SLCO1C1: variants seen among roughly 807,000 people sequenced by gnomAD.
SLCO1C1 encodes the protein solute carrier organic anion transporter family member 1C1.
SLCO1C1 carries 70 observed loss-of-function variants against 76.4 expected under a neutral mutation model. That is an observed-to-expected ratio of 0.92 (90% CI 0.76 to 1.12). The LOEUF is 1.12. SLCO1C1 is among the 50% of genes most tolerant of loss of function. The pLI is 0.00. For synonymous variants in SLCO1C1, 306 were observed against 286.1 expected (o/e 1.07, Z -0.70); for missense variants, 912 against 823.8 (o/e 1.11, Z -1.31).
At chr12:20,714,296 CG>C (rs747933943) in intron 5 of SLCO1C1, among the ~76,000 whole-genome samples, 13 of 152,138 alleles carry the variant, frequency 8.5e-5, no homozygotes, top group Non-Finnish European at 1.6e-4. Context: ...TAGTTCAGCA[CG>C]TAGCAGAGAA....
intron 2 of SLCO1C1, among the ~76,000 whole-genome samples, chr12:20,700,452 ATTTT>A (rs1946468265): frequency 6.6e-6 from 1 of 150,786 alleles, no homozygotes; most frequent in Admixed American, 6.6e-5. Flanking sequence ...TTTTTTAATT[ATTTT>A]TTAATTATTA....
At chr12:20,726,627 T>C (rs1219547917) in intron 9 of SLCO1C1, among the ~76,000 whole-genome samples, 1 of 152,172 alleles carries the variant, frequency 6.6e-6, no homozygotes, top group African/African-American at 2.4e-5. Context: ...TTTAAAAAGA[T>C]TTTTAATGAA....
intron 7 of SLCO1C1, among the ~76,000 whole-genome samples, chr12:20,719,629 CACA>C (rs1359919779): frequency 6.6e-6 from 1 of 152,132 alleles, no homozygotes; most frequent in Non-Finnish European, 1.5e-5. Context: ...TTAAACCAGC[CACA>C]ACATTTCCTT....
intron 6 of SLCO1C1, among the ~76,000 whole-genome samples, chr12:20,716,121 G>T (rs1023151831): frequency 2.0e-5 from 3 of 152,168 alleles, no homozygotes; most frequent in African/African-American, 7.2e-5. Context: ...CTACAGCTAG[G>T]TCCACTGTAT....
At chr12:20,749,701 T>G (rs1949207717) in intron 13 of SLCO1C1, among the ~76,000 whole-genome samples, 1 of 152,200 alleles carries the variant, frequency 6.6e-6, no homozygotes, top group Non-Finnish European at 1.5e-5. Context: ...TCTGAGAACC[T>G]ACTAGGGTTT....
intron 1 of SLCO1C1, among the ~76,000 whole-genome samples, chr12:20,696,533 T>C (rs528888540): frequency 3.2e-4 from 49 of 152,258 alleles, no homozygotes; most frequent in African/African-American, 1.1e-3. Context: ...TAATGAGGAC[T>C]GATTATTCAA....
intron 13 of SLCO1C1, among the ~76,000 whole-genome samples, chr12:20,746,893 G>A (rs903922583): frequency 6.6e-6 from 1 of 151,670 alleles, no homozygotes; most frequent in African/African-American, 2.4e-5. Flanking sequence ...TAAATACAAT[G>A]TGTTTATTTG....
chr12:20,699,816 G>T (rs1946435108), intron 2 of SLCO1C1, 111 bp downstream of exon 2: 2 of 1,073,088 alleles, frequency 1.9e-6, no homozygotes, highest in Non-Finnish European at 2.5e-6. Flanking sequence ...AAAAAAAAAA[G>T]ATCTTAGATG....
At chr12:20,739,431 C>T (rs1204113870) in intron 11 of SLCO1C1, among the ~76,000 whole-genome samples, 4 of 148,202 alleles carry the variant, frequency 2.7e-5, no homozygotes, top group African/African-American at 1.0e-4. Flanking sequence ...CATAGAAGGT[C>T]TCTATTAAAA....
chr12:20,707,354 A>G (rs776708763), intron 4 of SLCO1C1, among the ~76,000 whole-genome samples: 20 of 152,034 alleles, frequency 1.3e-4, no homozygotes, highest in Non-Finnish European at 1.9e-4. Flanking sequence ...TGTTGCTGTT[A>G]TCTGTTGATT....
intron 2 of SLCO1C1, 39 bp from the exon 3 acceptor site, chr12:20,701,279 G>A: frequency 7.0e-7 from 1 of 1,432,092 alleles, no homozygotes; most frequent in Non-Finnish European, 9.3e-7. Flanking sequence ...TGTGTGTCAA[G>A]CTGGAGTCAG....
chr12:20,711,341 T>C (rs755527763), intron 4 of SLCO1C1, 45 bp from the exon 5 acceptor site: 4 of 1,590,152 alleles, frequency 2.5e-6, no homozygotes, highest in African/African-American at 2.7e-5. Context: ...ATTCTTAGTA[T>C]GATGTTAATG....
chr12:20,753,219 T>G lies in SLCO1C1; in HGVS notation c.*691T>G, dbSNP rs1233569846. The G allele has an allele frequency of 1.3e-5, 2 of 152,220 alleles. No individual in the cohort carries two copies. The highest frequency in any genetic ancestry group is 2.9e-5 in the Non-Finnish European group (2 of 68,032). The allele number at this position is 152,220 out of a possible 1,614,324, so 9.4% of individuals were successfully genotyped here. A position where few individuals can be genotyped will look rare whatever the true frequency, so the allele number is the denominator to read the frequency against. Reference sequence around the variant, plus strand: ...ATAAAATTGATGTTAACATGCCCAATTATTGTTCTTTTATGAATCCAATGA... The same window carrying G: ...ATAAAATTGATGTTAACATGCCCAAGTATTGTTCTTTTATGAATCCAATGA... On this transcript the variant is annotated 3_prime_UTR_variant, in exon 15 of 15. Coordinates refer to ENST00000266509, the MANE Select transcript of SLCO1C1 (RefSeq NM_017435.5).
intron 9 of SLCO1C1, among the ~76,000 whole-genome samples, chr12:20,726,814 G>T (rs1385253587): frequency 6.6e-6 from 1 of 152,146 alleles, no homozygotes; most frequent in African/African-American, 2.4e-5. Flanking sequence ...CACCCAGGTA[G>T]TGAGCATAGT....
intron 13 of SLCO1C1, among the ~76,000 whole-genome samples, chr12:20,749,852 A>C (rs1238578129): frequency 6.6e-6 from 1 of 152,248 alleles, no homozygotes; most frequent in African/African-American, 2.4e-5. Flanking sequence ...TTAGTTTATC[A>C]AAATGAACTG....
At chr12:20,717,472 A>G (rs1947418798) in intron 7 of SLCO1C1, among the ~76,000 whole-genome samples, 1 of 151,674 alleles carries the variant, frequency 6.6e-6, no homozygotes, top group Admixed American at 6.6e-5. Flanking sequence ...TTCACTTTTG[A>G]TTTGTCAGTT....
chr12:20,749,742 C>T (rs1008387144), intron 13 of SLCO1C1, among the ~76,000 whole-genome samples: 1 of 152,156 alleles, frequency 6.6e-6, no homozygotes, highest in African/African-American at 2.4e-5. Context: ...ATGTTTCCTA[C>T]CGTGGTGAGC....
chr12:20,743,542 C>A (rs957383717), intron 13 of SLCO1C1, among the ~76,000 whole-genome samples, 173 bp downstream of exon 13: 1 of 152,146 alleles, frequency 6.6e-6, no homozygotes, highest in Non-Finnish European at 1.5e-5. Context: ...TTTCTTGACT[C>A]CTTTCTTCGT....
chr12:20,743,308 C>G lies in SLCO1C1; in HGVS notation c.1737C>G (p.Cys579Trp), dbSNP rs761589189. ...ATGGTGCTTTTGTTGATTTTAGGTGCATTAAGCCACAGCTTAAGTCTTTTG... is the reference window on the plus strand; with the variant it reads ...ATGGTGCTTTTGTTGATTTTAGGTGGATTAAGCCACAGCTTAAGTCTTTTG... ...GIPGYILLLR[C>W]IKPQLKSFAL... Residue 579 changes from cysteine (C) to tryptophan (W), a missense_variant, in exon 13 of 15, where the codon TGC (cysteine) becomes TGG (tryptophan). By Grantham distance (215) the Cys-to-Trp change is radical. Coordinates refer to ENST00000266509, the MANE Select transcript of SLCO1C1 (RefSeq NM_017435.5). 6.2e-7 allele frequency: 1 copy of G among 1,612,096 alleles called. No homozygotes were observed. Among genetic ancestry groups the G allele is most frequent in the South Asian group, 1.1e-5 (1 of 90,950 alleles).
Sources: allele counts gnomAD v4.1 joint callset (sites outside exome capture counted in the v4.1 genomes callset), GRCh38; gene constraint gnomAD v4.1.1; transcripts MANE v1.5; gene names NCBI Gene and HGNC (gene_info 2026-07-23, HGNC 2026-07-21).